The following ETV5 variants were observed in gnomAD, a reference collection of about 807,000 sequenced individuals.
ETV5 encodes ETS variant transcription factor 5, also known as ETS translocation variant 5.
Under a neutral mutation model 70.0 loss-of-function variants are expected in ETV5, and 10 were observed. The observed-to-expected ratio is 0.14, with a 90% confidence interval of 0.09 to 0.24. ETV5 has a LOEUF of 0.24. Ranked by LOEUF, ETV5 falls within the 10% of genes least tolerant of loss-of-function variation. ETV5 has a pLI of 1.00. For synonymous variants in ETV5, 216 were observed against 242.2 expected (o/e 0.89, Z 1.01); for missense variants, 453 against 651.2 (o/e 0.70, Z 3.31).
intron 11 of ETV5, among the ~76,000 whole-genome samples, chr3:186,055,543 C>A (rs1239780518): frequency 6.6e-6 from 1 of 152,202 alleles, no homozygotes; most frequent in Non-Finnish European, 1.5e-5. Context: ...TTTAATTAGT[C>A]CATCTAGAGA....
chr3:186,064,795 T>C lies in ETV5; in HGVS notation c.911-319A>G, dbSNP rs373524225. ...GAGCCAATGGCAGGGGAAAAAATAC[T>C]GGCTTTCAAAAGGCCAAGCCTGGCC... On this transcript the variant is annotated intron_variant, in intron 8 of 12. Coordinates refer to ENST00000306376, the MANE Select transcript of ETV5 (RefSeq NM_004454.3). Among the ~76,000 whole-genome samples the C allele has an allele frequency of 2.0e-5, 3 of 152,346 alleles. No homozygotes were observed. In the East Asian group the frequency reaches 5.8e-4, roughly 29 times the overall value.
At chr3:186,108,259 C>T (rs1003401923) in intron 1 of ETV5, among the ~76,000 whole-genome samples, 7 of 151,920 alleles carry the variant, frequency 4.6e-5, no homozygotes, top group African/African-American at 1.7e-4. Flanking sequence ...GGTGCTGTCC[C>T]CTCCACACCC....
rs369950562 is a variant in ETV5 at position 186,080,016 on chromosome 3, G to C, written c.451C>G (p.Pro151Ala). Reference protein sequence around the residue: ...LSPTHQNPLFPPPQATLPTSG... With the variant: ...LSPTHQNPLFAPPQATLPTSG... ...GTGGGCAGAGTTGCCTGAGGTGGGGGAAATAGGGGATTCTGATGGGTGGGT... is the reference window on the plus strand; with the variant it reads ...GTGGGCAGAGTTGCCTGAGGTGGGGCAAATAGGGGATTCTGATGGGTGGGT... Residue 151 changes from proline (P) to alanine (A), a missense_variant, in exon 7 of 13, where the codon CCC (proline) becomes GCC (alanine). Around this residue, in one of 4 missense-constraint regions of ETV5, gnomAD observed 307 missense variants for 344.9 expected, o/e 0.89. Transcript: ENST00000306376. 6.5e-7 allele frequency: 1 copy of C among 1,540,144 alleles called. No homozygotes were observed. Among genetic ancestry groups the C allele is most frequent in the Non-Finnish European group, 8.7e-7 (1 of 1,152,334 alleles).
chr3:186,078,976 C>G, intron 7 of ETV5: 1 of 849,668 alleles, frequency 1.2e-6, no homozygotes, highest in Non-Finnish European at 1.5e-6. Flanking sequence ...CCACTCCCGC[C>G]CCATTGTGGC....
intron 7 of ETV5, among the ~76,000 whole-genome samples, chr3:186,077,019 C>T (rs1468895960): frequency 6.6e-6 from 1 of 152,174 alleles, no homozygotes; most frequent in Admixed American, 6.5e-5. Context: ...GGCGTAATTA[C>T]ACGTCATGGA....
At chr3:186,082,619 C>A (rs1320318691) in intron 5 of ETV5, among the ~76,000 whole-genome samples, 1 of 152,124 alleles carries the variant, frequency 6.6e-6, no homozygotes, top group Admixed American at 6.5e-5. Context: ...CAGGGTTTCA[C>A]CATGTTGGCC....
chr3:186,081,514 C>A (rs958110126), intron 5 of ETV5, among the ~76,000 whole-genome samples: 5 of 152,066 alleles, frequency 3.3e-5, no homozygotes, highest in African/African-American at 1.2e-4. Flanking sequence ...TGGCTGCAGA[C>A]ATGAAGAATT....
At chr3:186,058,987 T>C (rs1277714238) in intron 9 of ETV5, among the ~76,000 whole-genome samples, 1 of 146,748 alleles carries the variant, frequency 6.8e-6, no homozygotes, top group Non-Finnish European at 1.5e-5. Context: ...TACTCCTGCC[T>C]GTGCAACAGA....
intron 7 of ETV5, among the ~76,000 whole-genome samples, chr3:186,073,567 TGAGAGA>T (rs1713698744): frequency 6.6e-6 from 1 of 152,182 alleles, no homozygotes; most frequent in Non-Finnish European, 1.5e-5. Context: ...ACTCTCTGGA[TGAGAGA>T]TAATAAAAAT....
chr3:186,048,497 T>C lies in ETV5; in HGVS notation c.*142A>G. 1.3e-6 allele frequency: 1 copy of C among 746,564 alleles called. No individual in the cohort carries two copies. The highest frequency in any genetic ancestry group is 1.8e-5 in the South Asian group (1 of 55,414). The allele number at this position is 746,564 out of a possible 1,614,324, so 46.2% of individuals were successfully genotyped here. A position where few individuals can be genotyped will look rare whatever the true frequency, so the allele number is the denominator to read the frequency against. ...ATGTATCTGTCTTTAAGGGTGCCAATCCAGAGACAGCTTGGGTTCTCCAGA... is the reference window on the plus strand; with the variant it reads ...ATGTATCTGTCTTTAAGGGTGCCAACCCAGAGACAGCTTGGGTTCTCCAGA... On this transcript the variant is annotated 3_prime_UTR_variant, in exon 13 of 13. Coordinates refer to ENST00000306376, the MANE Select transcript of ETV5 (RefSeq NM_004454.3).
At position 186,105,218 on chromosome 3, in the gene ETV5, A is replaced by G. The variant is rs1415834027; in HGVS notation, c.232+87T>C. On this transcript the variant is annotated intron_variant, in intron 5 of 12. Coordinates refer to ENST00000306376, the MANE Select transcript of ETV5 (RefSeq NM_004454.3). This position sits in a 1 kb window ranked among gnomAD's most constrained non-coding sequence, Gnocchi z 4.5. ...TGCATACTACTGTCTAAATCTGGCCATAGCTGAAAAAAGCATATTCTAGAC... is the reference window on the plus strand; with the variant it reads ...TGCATACTACTGTCTAAATCTGGCCGTAGCTGAAAAAAGCATATTCTAGAC... 35 of 1,128,432 alleles carry G rather than the reference A, an allele frequency of 3.1e-5. No homozygotes were observed. The highest frequency in any genetic ancestry group is 1.3e-6 in the Non-Finnish European group (1 of 769,136). The allele number at this position is 1,128,432 out of a possible 1,614,324, so 69.9% of individuals were successfully genotyped here.
At chr3:186,049,298 C>T (rs914783192) in intron 12 of ETV5, among the ~76,000 whole-genome samples, 8 of 152,160 alleles carry the variant, frequency 5.3e-5, no homozygotes, top group South Asian at 2.1e-4. Flanking sequence ...CTGATGAGAG[C>T]GAGCCTGCGC....
At chr3:186,102,129 A>G (rs1358936308) in intron 5 of ETV5, among the ~76,000 whole-genome samples, 9 of 152,204 alleles carry the variant, frequency 5.9e-5, no homozygotes, top group African/African-American at 1.4e-4. Context: ...GAAACTTACA[A>G]AATATAATCT....
chr3:186,108,788 G>A (rs1020994316), intron 1 of ETV5, 152 bp downstream of exon 1: 38 of 466,020 alleles, frequency 8.2e-5, no homozygotes, highest in East Asian at 2.5e-4. Context: ...GCGGGGGGAG[G>A]GGGCGGTCAA....
chr3:186,070,332 C>T lies in ETV5; in HGVS notation c.651-4260G>A, dbSNP rs75976638. Reference sequence around the variant, plus strand: ...TCTGCAGCTGGCAGGCTGGTGGCCTCACTTCCGCTTAGTGCTCATCTTTTC... The same window carrying T: ...TCTGCAGCTGGCAGGCTGGTGGCCTTACTTCCGCTTAGTGCTCATCTTTTC... On this transcript the variant is annotated intron_variant, in intron 7 of 12. Transcript: ENST00000306376. 8.8e-4 allele frequency among the ~76,000 whole-genome samples: 134 copies of T among 152,326 alleles called. 2 individuals carry two copies. In the East Asian group the frequency reaches 0.02, roughly 23 times the overall value.
intron 5 of ETV5, among the ~76,000 whole-genome samples, chr3:186,087,573 C>T (rs1304482313): frequency 1.3e-5 from 2 of 152,174 alleles, no homozygotes; most frequent in East Asian, 1.9e-4. Flanking sequence ...AATCTTTCTT[C>T]TGTGATGGTC....
chr3:186,090,411 T>G (rs1215185511), intron 5 of ETV5, among the ~76,000 whole-genome samples: 2 of 152,232 alleles, frequency 1.3e-5, no homozygotes, highest in African/African-American at 2.4e-5. Flanking sequence ...CTGCTAATAC[T>G]TCCATCAACC....
rs1485809415 is a variant in ETV5 at position 186,054,326 on chromosome 3, G to A, written c.1210-2195C>T. 1.3e-5 allele frequency among the ~76,000 whole-genome samples: 2 copies of A among 152,242 alleles called. No individual in the cohort carries two copies. The highest frequency in any genetic ancestry group is 2.9e-5 in the Non-Finnish European group (2 of 68,014). ...GAGGACTGAGGCTGAAGGAGTTAAC[G>A]GATCTACCTATTCCTTCTCCCCTTT... On this transcript the variant is annotated intron_variant, in intron 11 of 12. Transcript: ENST00000306376. The surrounding 1 kb of genome is among the most constrained non-coding windows in gnomAD (Gnocchi z 4.4).
intron 7 of ETV5, chr3:186,079,263 C>T (rs1305759488): frequency 8.2e-6 from 2 of 244,466 alleles, no homozygotes; most frequent in African/African-American, 4.4e-5. Context: ...CTCCTGATGC[C>T]TCAATGCCTG....
Sources: gnomAD v4.1 joint callset for allele counts (sites outside exome capture counted in the v4.1 genomes callset) on GRCh38, gnomAD v4.1.1 for gene constraint, gnomAD v4.1.1 regional missense constraint, Gnocchi (gnomAD v3.1) non-coding constraint, MANE v1.5 for transcripts, NCBI Gene and HGNC (gene_info 2026-07-23, HGNC 2026-07-21) for gene names.